Variants in DMD observed in about 807,000 individuals in gnomAD.
DMD encodes mutant dystrophin.
DMD carries 63 observed loss-of-function variants against 330.1 expected under a neutral mutation model. The ratio of observed to expected loss-of-function variants is 0.19; its 90% CI spans 0.16 to 0.24. The LOEUF is 0.24. Among genes scored for constraint, DMD ranks in the 10% least tolerant of loss-of-function variants. DMD has a pLI of 1.00. For synonymous variants in DMD, 1,223 were observed against 959.8 expected, an observed-to-expected ratio of 1.27 and a Z score of -5.07; for missense variants, 3,344 against 2,684.1, an observed-to-expected ratio of 1.25 and a Z score of -5.43.
intron 52 of DMD, among the ~76,000 whole-genome samples, chrX:31,720,799 C>A (rs979564077): frequency 9.0e-6 from 1 of 111,217 alleles, no homozygotes; most frequent in Non-Finnish European, 1.9e-5. Flanking sequence ...TATGGTACAT[C>A]ACTTTAATAA....
At chrX:32,751,102 CAAATT>C (rs941671891) in intron 7 of DMD, among the ~76,000 whole-genome samples, 3 of 111,312 alleles carry the variant, frequency 2.7e-5, no homozygotes, top group African/African-American at 9.8e-5. Flanking sequence ...AGTATAAAAA[CAAATT>C]AATACAGTGA....
chrX:32,179,239 G>A (rs972259516), intron 44 of DMD, among the ~76,000 whole-genome samples: 1 of 110,625 alleles, frequency 9.0e-6, no homozygotes, highest in African/African-American at 3.3e-5. Context: ...AAAGAGTGAG[G>A]TATAATGGTC....
chrX:31,366,823 TG>T (rs1322355774), intron 60 of DMD, among the ~76,000 whole-genome samples: 1 of 110,314 alleles, frequency 9.1e-6, no homozygotes, highest in Non-Finnish European at 1.9e-5. Flanking sequence ...TCTGTCTGTC[TG>T]ATTTTTTTCT....
intron 44 of DMD, among the ~76,000 whole-genome samples, chrX:32,177,772 A>G (rs752759889): frequency 9.0e-6 from 1 of 111,242 alleles, no homozygotes; most frequent in Admixed American, 9.7e-5. Context: ...AATAATACTA[A>G]TTACTGAGGG....
rs190238040 is a variant in DMD at position 32,058,633 on chromosome X, T to C, written c.6439-90119A>G. On this transcript the variant is annotated intron_variant, in intron 44 of 78. Transcript: ENST00000357033. ...GGTGAAGGTGTAGGAAAATTGGAGA[T>C]GTAGACTGCTGGTGGAAATATAAAA... Among the ~76,000 whole-genome samples the C allele has an allele frequency of 7.9e-4, 84 of 105,715 alleles. 1 individual carries two copies. The highest frequency in any genetic ancestry group is 2.7e-3 in the African/African-American group (78 of 29,115). 91.8% of individuals were successfully genotyped at this position (105,715 alleles called of 115,157 possible). A position where few individuals can be genotyped will look rare whatever the true frequency, so the allele number is the denominator to read the frequency against.
intron 52 of DMD, among the ~76,000 whole-genome samples, chrX:31,697,136 C>A (rs977140126): frequency 9.0e-6 from 1 of 111,643 alleles, no homozygotes; most frequent in Non-Finnish European, 1.9e-5. Flanking sequence ...CATAACTGAG[C>A]ATCAATTTAT....
intron 26 of DMD, among the ~76,000 whole-genome samples, chrX:32,452,526 AAG>A (rs1491420791): frequency 1.1e-5 from 1 of 94,600 alleles, no homozygotes; most frequent in Non-Finnish European, 2.2e-5. Flanking sequence ...GAAAGGAAAA[AAG>A]AGATGAAATA....
intron 7 of DMD, among the ~76,000 whole-genome samples, chrX:32,758,945 G>A (rs1426850248): frequency 1.8e-5 from 2 of 111,879 alleles, no homozygotes; most frequent in African/African-American, 6.5e-5. Flanking sequence ...TACTTCATCT[G>A]TATGTTTTTC....
intron 8 of DMD, 143 bp downstream of exon 8, chrX:32,698,969 T>TG (rs1556930214): frequency 8.7e-5 from 37 of 424,228 alleles, no homozygotes; most frequent in African/African-American, 8.8e-5. Context: ...AGTCTGTCTC[T>TG]TTTTGTACAT....
chrX:31,295,004 T>C (rs753905830), intron 62 of DMD, among the ~76,000 whole-genome samples: 32 of 111,583 alleles, frequency 2.9e-4, no homozygotes, highest in Non-Finnish European at 6.0e-4. Flanking sequence ...TTTATTTTTA[T>C]TTTTTCTTTT....
chrX:32,866,010 G>A (rs770454383), intron 2 of DMD, among the ~76,000 whole-genome samples: 2 of 112,410 alleles, frequency 1.8e-5, no homozygotes, highest in African/African-American at 6.5e-5. Flanking sequence ...CAATTGAAGT[G>A]CTGGCATTTC....
chrX:31,202,718 T>C (rs1304587321), intron 67 of DMD, among the ~76,000 whole-genome samples: 4 of 111,704 alleles, frequency 3.6e-5, no homozygotes, highest in Admixed American at 9.5e-5. Context: ...TTAGAATGGA[T>C]TGAGAAACCC....
At chrX:32,783,318 TATATATACACAC>T (rs2075044798) in intron 7 of DMD, among the ~76,000 whole-genome samples, 1 of 95,160 alleles carries the variant, frequency 1.1e-5, no homozygotes, top group African/African-American at 4.6e-5. Flanking sequence ...ATATATGGTA[TATATATACACAC>T]ATATATATAC....
chrX:32,412,019 C>T lies in DMD; in HGVS notation c.4072-106G>A, dbSNP rs372444729. ...AGATTCTAGACTCTTCCACAATCAC[C>T]TTTTTGTAAGACAGATTTCGCAGCT... is the stretch of plus-strand genomic sequence containing the variant. On this transcript the variant is annotated intron_variant, in intron 29 of 78. Transcript: ENST00000357033. 1.5e-5 allele frequency: 18 copies of T among 1,192,654 alleles called. No individual in the cohort carries two copies. The African/African-American group carries it at 3.0e-4, about 20-fold the overall frequency.
At chrX:31,610,051 C>T (rs1207090314) in intron 55 of DMD, among the ~76,000 whole-genome samples, 1 of 110,023 alleles carries the variant, frequency 9.1e-6, no homozygotes, top group Non-Finnish European at 1.9e-5. Flanking sequence ...CTCTCTCTCT[C>T]CCTCTCCTTC....
Position 32,674,563 on chromosome X carries a change from C to T in DMD, c.960+23307G>A, listed in dbSNP as rs141281109. Among the ~76,000 whole-genome samples, 771 of 111,053 alleles carry T rather than the reference C, an allele frequency of 6.9e-3. 7 individuals are homozygous for T. The highest frequency in any genetic ancestry group is 0.023 in the African/African-American group (706 of 30,595). On this transcript the variant is annotated intron_variant, in intron 9 of 78. Transcript: ENST00000357033. ...GTTATTACTCTCAGTTCTAGATATG[C>T]GCTCGGTTTTTGTGCAAGCCAAGTG...
chrX:31,236,689 G>A (rs956378349), intron 63 of DMD, among the ~76,000 whole-genome samples: 2 of 111,965 alleles, frequency 1.8e-5, no homozygotes, highest in African/African-American at 6.5e-5. Flanking sequence ...AAACATACAA[G>A]TTACTTCTCT....
At chrX:32,972,160 T>C (rs1324575047) in intron 2 of DMD, among the ~76,000 whole-genome samples, 6 of 111,081 alleles carry the variant, frequency 5.4e-5, no homozygotes, top group African/African-American at 2.0e-4. Flanking sequence ...TGTGAAGAAC[T>C]TGTATGACTC....
chrX:32,728,885 T>G (rs1036899587), intron 7 of DMD, among the ~76,000 whole-genome samples: 2 of 111,889 alleles, frequency 1.8e-5, no homozygotes, highest in African/African-American at 6.5e-5. Context: ...ACTGTTAGTC[T>G]TTCCATCTTG....
Sources: allele counts gnomAD v4.1 joint callset (sites outside exome capture counted in the v4.1 genomes callset), GRCh38; gene constraint gnomAD v4.1.1; transcripts MANE v1.5; gene names NCBI Gene and HGNC (gene_info 2026-07-23, HGNC 2026-07-21).